The following KDM4C variants were observed in gnomAD, a reference collection of about 807,000 sequenced individuals.
KDM4C encodes the protein lysine demethylase 4C.
KDM4C carries 81 observed loss-of-function variants against 129.3 expected under a neutral mutation model. That is an observed-to-expected ratio of 0.63 (90% CI 0.52 to 0.75). KDM4C has a LOEUF of 0.75. Ranked by LOEUF, KDM4C falls within the 30% of genes least tolerant of loss-of-function variation. The pLI, the probability that KDM4C is intolerant of heterozygous loss-of-function variation, is 0.00. For missense variants in KDM4C, 1,457 were observed against 1,304.0 expected (o/e 1.12, Z -1.81); for synonymous variants, 573 against 456.1 (o/e 1.26, Z -3.26).
At chr9:6,728,378 A>G (rs1368784116) in intron 1 of KDM4C, among the ~76,000 whole-genome samples, 2 of 150,824 alleles carry the variant, frequency 1.3e-5, no homozygotes, top group African/African-American at 2.4e-5. Flanking sequence ...TACTAAAAGT[A>G]CAAAAATTAG....
At chr9:7,073,161 A>C (rs1016276204) in intron 17 of KDM4C, among the ~76,000 whole-genome samples, 2 of 152,270 alleles carry the variant, frequency 1.3e-5, no homozygotes, top group East Asian at 3.9e-4. Flanking sequence ...TTCTTCTTAG[A>C]ATGCTTTTGG....
intron 18 of KDM4C, chr9:7,105,625 C>T (rs1837598713): frequency 1.7e-5 from 6 of 363,230 alleles, no homozygotes; most frequent in South Asian, 1.3e-4. Flanking sequence ...TTAGCTCATA[C>T]TCTATTATTT....
At chr9:6,936,856 C>G (rs1015632863) in intron 8 of KDM4C, among the ~76,000 whole-genome samples, 1 of 152,134 alleles carries the variant, frequency 6.6e-6, no homozygotes, top group Non-Finnish European at 1.5e-5. Context: ...GGTAATAAGA[C>G]CTCCCCTACA....
intron 8 of KDM4C, among the ~76,000 whole-genome samples, chr9:6,908,386 C>G (rs1818701043): frequency 6.6e-6 from 1 of 152,156 alleles, no homozygotes; most frequent in Non-Finnish European, 1.5e-5. Flanking sequence ...ACACACAGTA[C>G]AAAAATGAAA....
intron 4 of KDM4C, among the ~76,000 whole-genome samples, chr9:6,817,194 T>G (rs907856025): frequency 2.6e-3 from 28 of 10,682 alleles, no homozygotes; most frequent in Middle Eastern, 0.042. Flanking sequence ...CCCCTCCCCC[T>G]GCCCCCCCCC....
intron 19 of KDM4C, among the ~76,000 whole-genome samples, chr9:7,162,411 G>A (rs543442989): frequency 1.0e-3 from 157 of 152,190 alleles, no homozygotes; most frequent in African/African-American, 3.7e-3. Flanking sequence ...TGCCAATGCT[G>A]GATTAAGATT....
rs544657754 is a variant in KDM4C at position 6,995,789 on chromosome 9, A to G, written c.1786+5265A>G. Among the ~76,000 whole-genome samples, 269 of 151,892 alleles carry G rather than the reference A, an allele frequency of 1.8e-3. 2 individuals are homozygous for G. Among genetic ancestry groups the G allele is most frequent in the African/African-American group, 5.9e-3 (246 of 41,400 alleles). ...TGGGTTCACACCATTCTCCTACCTCAGCCTCCCAAGTAGCTGGGACTACAG... is the reference window on the plus strand; with the variant it reads ...TGGGTTCACACCATTCTCCTACCTCGGCCTCCCAAGTAGCTGGGACTACAG... On this transcript the variant is annotated intron_variant, in intron 12 of 21. Coordinates refer to ENST00000381309, the MANE Select transcript of KDM4C (RefSeq NM_015061.6).
intron 15 of KDM4C, among the ~76,000 whole-genome samples, chr9:7,032,992 T>A (rs1435887146): frequency 6.6e-6 from 1 of 152,172 alleles, no homozygotes; most frequent in East Asian, 1.9e-4. Flanking sequence ...GAATTCAATT[T>A]CCCAACTGAC....
chr9:6,776,153 T>C (rs1364575353), intron 1 of KDM4C, among the ~76,000 whole-genome samples: 1 of 152,234 alleles, frequency 6.6e-6, no homozygotes, highest in Non-Finnish European at 1.5e-5. Context: ...GGTGCGATCG[T>C]AGCTCACTGA....
intron 12 of KDM4C, among the ~76,000 whole-genome samples, chr9:6,998,964 C>G (rs1214992775): frequency 6.6e-6 from 1 of 152,100 alleles, no homozygotes; most frequent in Non-Finnish European, 1.5e-5. Context: ...TGGGATTTCC[C>G]GTGGTATTTT....
At chr9:6,773,011 TG>T (rs143354100) in intron 1 of KDM4C, among the ~76,000 whole-genome samples, 229 of 151,698 alleles carry the variant, frequency 1.5e-3, no homozygotes, top group African/African-American at 4.9e-3. Flanking sequence ...TTTTCTTTTT[TG>T]TTTTTTTGAC....
chr9:6,763,425 A>G (rs1022413845), intron 1 of KDM4C, among the ~76,000 whole-genome samples: 3 of 152,158 alleles, frequency 2.0e-5, no homozygotes, highest in Admixed American at 6.6e-5. Flanking sequence ...CACACTGGCC[A>G]TAGCAGCATT....
intron 19 of KDM4C, among the ~76,000 whole-genome samples, chr9:7,164,344 A>G (rs1270331446): frequency 2.5e-5 from 3 of 120,308 alleles, no homozygotes; most frequent in African/African-American, 9.7e-5. Flanking sequence ...TCCCCCTGCC[A>G]CGCCTTAAAA....
chr9:6,937,644 A>G (rs1256085714), intron 8 of KDM4C, among the ~76,000 whole-genome samples: 1 of 152,126 alleles, frequency 6.6e-6, no homozygotes, highest in Non-Finnish European at 1.5e-5. Context: ...ACATAATAGA[A>G]CATTGCTTCC....
In KDM4C at chr9:6,984,266, G is replaced by A. The variant is rs1464270022; in HGVS notation, c.1216G>A (p.Val406Ile). 2 of 1,614,006 alleles carry A rather than the reference G, an allele frequency of 1.2e-6. No individual in the cohort carries two copies. The highest frequency in any genetic ancestry group is 1.7e-6 in the Non-Finnish European group (2 of 1,179,892). Residue 406 changes from valine (V) to isoleucine (I), a missense_variant, in exon 10 of 22, where the codon GTC becomes ATC. Physicochemically the swap from Val to Ile is conservative, Grantham distance 29. Coordinates refer to ENST00000381309, the MANE Select transcript of KDM4C (RefSeq NM_015061.6). ...DGAEVPNPDS[V>I]TDDLKVSEKS... ...GGCAGAGGTCCCTAACCCCGACTCA[G>A]TCACAGATGACCTCAAGGTCAGTGA...
chr9:6,754,732 C>T (rs1428104314), upstream of KDM4C, among the ~76,000 whole-genome samples: 1 of 151,540 alleles, frequency 6.6e-6, no homozygotes, highest in Non-Finnish European at 1.5e-5. Context: ...ACAAATTAGC[C>T]AGGTGTGGTG....
chr9:6,778,699 G>A (rs554249608), intron 1 of KDM4C, among the ~76,000 whole-genome samples: 70 of 152,068 alleles, frequency 4.6e-4, no homozygotes, highest in Admixed American at 7.9e-4. Context: ...CCCAGGAAGC[G>A]GAGGTTGCAG....
In KDM4C at chr9:6,947,746, A is replaced by G. The variant is rs764533878; in HGVS notation, c.922-33179A>G. 2.0e-5 allele frequency among the ~76,000 whole-genome samples: 3 copies of G among 152,102 alleles called. 1 individual carries two copies. The South Asian group carries it at 6.2e-4, about 31-fold the overall frequency. On this transcript the variant is annotated intron_variant, in intron 8 of 21. Coordinates refer to ENST00000381309, the MANE Select transcript of KDM4C (RefSeq NM_015061.6). ...TTTTCTAATATGGCTGTGCTTTAGA[A>G]TCATCTAGGGAGTTTTTAATCAGTA...
chr9:6,908,391 A>G (rs1489819756), intron 8 of KDM4C, among the ~76,000 whole-genome samples: 2 of 152,218 alleles, frequency 1.3e-5, no homozygotes, highest in Non-Finnish European at 2.9e-5. Flanking sequence ...CAGTACAAAA[A>G]TGAAATAGAA....
Sources: allele counts gnomAD v4.1 joint callset (sites outside exome capture counted in the v4.1 genomes callset), GRCh38; gene constraint gnomAD v4.1.1; transcripts MANE v1.5; gene names NCBI Gene and HGNC (gene_info 2026-07-23, HGNC 2026-07-21).